Variants in ZNF532 observed in about 807,000 individuals in gnomAD.
ZNF532 encodes the protein zinc finger protein 532.
A neutral mutation model predicts 89.3 loss-of-function variants in ZNF532; 22 were observed. The ratio of observed to expected loss-of-function variants is 0.25; its 90% confidence interval spans 0.18 to 0.35. The LOEUF is 0.35. ZNF532 is among the 10% of genes least tolerant of loss of function. The pLI, the probability that ZNF532 is intolerant of heterozygous loss-of-function variation, is 1.00. For missense variants in ZNF532, 1,132 were observed against 1,643.4 expected (o/e 0.69, Z 5.38); for synonymous variants, 606 against 649.6 (o/e 0.93, Z 1.02).
chr18:58,897,634 T>C (rs1396937176), intron 2 of ZNF532, among the ~76,000 whole-genome samples: 1 of 152,154 alleles, frequency 6.6e-6, no homozygotes, highest in Non-Finnish European at 1.5e-5. Flanking sequence ...AATTTTTAAG[T>C]TGTTTACATC....
chr18:58,974,927 A>T (rs2066875307), intron 7 of ZNF532, among the ~76,000 whole-genome samples: 1 of 152,202 alleles, frequency 6.6e-6, no homozygotes, highest in African/African-American at 2.4e-5. Context: ...TCACTGACAA[A>T]GTCTTGAGTG....
rs756358483 is a variant in ZNF532, at chr18:58,979,167, C to T, written c.3263C>T (p.Ser1088Leu). 6.8e-6 allele frequency: 11 copies of T among 1,607,650 alleles called. No homozygotes were observed. Among genetic ancestry groups the T allele is most frequent in the Admixed American group, 3.3e-5 (2 of 59,898 alleles). ...HKGIRKVYAC[S>L]HCPDSRRTFT... Reference sequence around the variant, plus strand: ...GGCATCAGGAAAGTGTACGCCTGCTCGTAAGTCCTGGTTTCTAACGGAACG... The same window carrying T: ...GGCATCAGGAAAGTGTACGCCTGCTTGTAAGTCCTGGTTTCTAACGGAACG... The change falls in exon 8 of 10, where the codon TCG becomes TTG. Residue 1088 changes from serine to leucine, a missense_variant and splice_region_variant. By Grantham distance (145) the Ser-to-Leu change is moderately radical (BLOSUM62 -2). Around this residue, in one of 9 missense-constraint regions of ZNF532, gnomAD observed 415 missense variants for 604.8 expected, o/e 0.69. Transcript: ENST00000591808.
At chr18:58,892,269 G>A (rs547620298) in intron 2 of ZNF532, among the ~76,000 whole-genome samples, 16 of 152,282 alleles carry the variant, frequency 1.1e-4, no homozygotes, top group Non-Finnish European at 1.6e-4. Flanking sequence ...GGTTGTTCTT[G>A]TGGTTACTTG....
intron 2 of ZNF532, among the ~76,000 whole-genome samples, chr18:58,917,177 A>G (rs2060658802): frequency 6.6e-6 from 1 of 152,084 alleles, no homozygotes; most frequent in Non-Finnish European, 1.5e-5. Flanking sequence ...CCTCCACTGC[A>G]GAAGGAACAG....
intron 2 of ZNF532, among the ~76,000 whole-genome samples, chr18:58,880,160 G>T (rs564140978): frequency 1.3e-5 from 2 of 152,290 alleles, no homozygotes; most frequent in South Asian, 4.1e-4. Flanking sequence ...GTGTGCAGAG[G>T]CCGCTGAGCA....
chr18:58,984,188 C>T lies in ZNF532; in HGVS notation c.3628C>T (p.Leu1210Phe), dbSNP rs1290730005. The T allele has an allele frequency of 6.2e-7, 1 of 1,611,782 alleles. No homozygotes were observed. The highest frequency in any genetic ancestry group is 8.5e-7 in the Non-Finnish European group (1 of 1,179,856). The stretch of plus-strand genomic sequence containing the variant: ...TTCCTACCAGTGCCGGGAGTGTGGC[C>T]TCTGCTACACGTCTCACGTCTCTCT... ...GSSYQCRECG[L>F]CYTSHVSLSR... is the part of the protein sequence containing the mutation. Residue 1210 changes from leucine to phenylalanine, a missense_variant, in exon 10 of 10, where the codon CTC (leucine) becomes TTC (phenylalanine). Leu to Phe is a conservative substitution (Grantham distance 22). Transcript: ENST00000591808.
chr18:58,866,187 C>T (rs962358109), intron 2 of ZNF532, among the ~76,000 whole-genome samples: 11 of 152,186 alleles, frequency 7.2e-5, no homozygotes, highest in East Asian at 1.9e-4. Context: ...AGGGGGAAGC[C>T]GGGTAGTCTG....
At chr18:58,930,564 G>A (rs1041486904) in intron 3 of ZNF532, among the ~76,000 whole-genome samples, 1 of 149,752 alleles carries the variant, frequency 6.7e-6, no homozygotes, top group Non-Finnish European at 1.5e-5. Context: ...GGAGGCAGAG[G>A]TTGCAGTGAG....
chr18:58,883,759 A>G (rs1288803199), intron 2 of ZNF532, among the ~76,000 whole-genome samples: 33 of 152,184 alleles, frequency 2.2e-4, no homozygotes, highest in Admixed American at 2.1e-3. Context: ...TCTACCCACT[A>G]TATGCCAATA....
intron 2 of ZNF532, among the ~76,000 whole-genome samples, chr18:58,875,830 A>T (rs1424503172): frequency 6.6e-6 from 1 of 152,024 alleles, no homozygotes; most frequent in Admixed American, 6.5e-5. Context: ...TTTTCCGTGT[A>T]AAAGCTCCAG....
intron 2 of ZNF532, among the ~76,000 whole-genome samples, chr18:58,901,156 C>T (rs909316047): frequency 1.3e-5 from 2 of 152,188 alleles, no homozygotes; most frequent in African/African-American, 2.4e-5. Context: ...CTTCTTATGC[C>T]CTTGTTTAAT....
intron 7 of ZNF532, among the ~76,000 whole-genome samples, chr18:58,976,018 GTAA>G (rs1216827282): frequency 6.6e-6 from 1 of 152,216 alleles, no homozygotes; most frequent in Non-Finnish European, 1.5e-5. Flanking sequence ...GAAGGAGCTA[GTAA>G]TATTGAGGAA....
rs74175864 is a variant in ZNF532, at chr18:58,941,990, C to CCCTTCCTT, written c.2705+2379_2705+2386dup. On this transcript the variant is annotated intron_variant, in intron 5 of 9. Coordinates refer to ENST00000591808, the MANE Select transcript of ZNF532 (RefSeq NM_001375912.1). Reference sequence around the variant, plus strand: ...TCCCTCCCTCCCTCCTTCCCTCCTTCCCTTCCTTCCTTCCTTCTTTCTTTT... The same window carrying CCCTTCCTT: ...TCCCTCCCTCCCTCCTTCCCTCCTTCCCTTCCTTCCTTCCTTCCTTCCTTCTTTCTTTT... Among the ~76,000 whole-genome samples the CCCTTCCTT allele has an allele frequency of 3.0e-3, 373 of 125,778 alleles. 1 individual carries two copies. The highest frequency in any genetic ancestry group is 8.7e-3 in the Middle Eastern group (2 of 230). The allele number at this position is 125,778 out of a possible 152,430, so 82.5% of individuals were successfully genotyped here.
rs147197322 is a variant in ZNF532 at position 58,909,690 on chromosome 18, C to T, written c.-17-8581C>T. 5.5e-3 allele frequency among the ~76,000 whole-genome samples: 837 copies of T among 152,200 alleles called. 8 individuals carry two copies. Among genetic ancestry groups the T allele is most frequent in the African/African-American group, 0.018 (761 of 41,512 alleles). ...AGATGATTAGCAGCAAAAACAGGCA[C>T]GCGGGAACACGGATTGGGAATGGAT... On this transcript the variant is annotated intron_variant, in intron 2 of 9. Transcript: ENST00000591808.
intron 7 of ZNF532, among the ~76,000 whole-genome samples, chr18:58,967,479 C>T (rs533112868): frequency 3.9e-5 from 6 of 152,180 alleles, no homozygotes; most frequent in Non-Finnish European, 8.8e-5. Flanking sequence ...CATACCTTTC[C>T]TTGCTGCATT....
intron 2 of ZNF532, among the ~76,000 whole-genome samples, chr18:58,900,913 C>G (rs1243100862): frequency 6.6e-6 from 1 of 152,104 alleles, no homozygotes; most frequent in Admixed American, 6.6e-5. Flanking sequence ...CACTTACTTC[C>G]TGTCTCTATT....
At chr18:58,933,947 T>A (rs544270858) in intron 3 of ZNF532, among the ~76,000 whole-genome samples, 1 of 152,228 alleles carries the variant, frequency 6.6e-6, no homozygotes, top group Non-Finnish European at 1.5e-5. Context: ...AGCCATTCTT[T>A]TGCACTCCTG....
chr18:58,883,325 T>C (rs1259611586), intron 2 of ZNF532, among the ~76,000 whole-genome samples: 1 of 152,184 alleles, frequency 6.6e-6, no homozygotes, highest in Non-Finnish European at 1.5e-5. Context: ...AAAAGGACTG[T>C]GTTTCAGAAT....
chr18:58,902,150 G>C (rs2059643774), intron 2 of ZNF532, among the ~76,000 whole-genome samples: 1 of 152,148 alleles, frequency 6.6e-6, no homozygotes, highest in Non-Finnish European at 1.5e-5. Context: ...GCTCTCTGTG[G>C]GGCCTGGTCT....
Sources: gnomAD v4.1 joint callset for allele counts (sites outside exome capture counted in the v4.1 genomes callset) on GRCh38, gnomAD v4.1.1 for gene constraint, gnomAD v4.1.1 regional missense constraint, MANE v1.5 for transcripts, NCBI Gene and HGNC (gene_info 2026-07-23, HGNC 2026-07-21) for gene names.